Variants in PPHLN1 observed in about 807,000 individuals in gnomAD.
PPHLN1 encodes the protein periphilin-1.
A neutral mutation model predicts 51.3 loss-of-function variants in PPHLN1; 29 were observed. The ratio of observed to expected loss-of-function variants is 0.57; its 90% CI spans 0.42 to 0.77. PPHLN1 has a LOEUF of 0.77. Among genes scored for constraint, PPHLN1 ranks in the 30% least tolerant of loss-of-function variants. The pLI is 0.00. For missense variants in PPHLN1, 436 were observed against 438.4 expected (o/e 0.99, Z 0.05); for synonymous variants, 147 against 147.8 (o/e 0.99, Z 0.04).
chr12:42,420,397 T>TC (rs2080882982), intron 9 of PPHLN1, among the ~76,000 whole-genome samples: 1 of 152,076 alleles, frequency 6.6e-6, no homozygotes, highest in Non-Finnish European at 1.5e-5. Flanking sequence ...TGTGTGTGTT[T>TC]GTCTCTTTTG....
At chr12:42,329,338 T>G (rs188624354) in intron 1 of PPHLN1, among the ~76,000 whole-genome samples, 1 of 151,490 alleles carries the variant, frequency 6.6e-6, no homozygotes, top group Non-Finnish European at 1.5e-5. Context: ...ATCTCCTGAC[T>G]TCGTGATCCG....
intron 4 of PPHLN1, among the ~76,000 whole-genome samples, chr12:42,369,409 A>G (rs1485256885): frequency 6.6e-6 from 1 of 152,174 alleles, no homozygotes; most frequent in Non-Finnish European, 1.5e-5. Context: ...TGAATGACAT[A>G]CAACTATCAG....
chr12:42,417,917 C>T (rs1281409179), intron 9 of PPHLN1, among the ~76,000 whole-genome samples: 1 of 113,478 alleles, frequency 8.8e-6, no homozygotes, highest in African/African-American at 3.5e-5. Context: ...AAAAAAAGCC[C>T]TAGTTTTTTT....
intron 9 of PPHLN1, among the ~76,000 whole-genome samples, chr12:42,415,383 G>C (rs1002141966): frequency 6.6e-6 from 1 of 152,164 alleles, no homozygotes. Context: ...TCTTGGCCAG[G>C]CTGGTCTTGG....
At chr12:42,357,573 C>G (rs912835827) in intron 4 of PPHLN1, among the ~76,000 whole-genome samples, 14 of 152,116 alleles carry the variant, frequency 9.2e-5, no homozygotes, top group African/African-American at 3.1e-4. Context: ...ACATTGGAAG[C>G]TGATATATCC....
chr12:42,382,578 TGTTA>T (rs1321640575), intron 5 of PPHLN1, among the ~76,000 whole-genome samples: 3 of 152,336 alleles, frequency 2.0e-5, no homozygotes, highest in Admixed American at 6.5e-5. Flanking sequence ...GTAGCAAGCC[TGTTA>T]GTTAGAAGGC....
intron 9 of PPHLN1, among the ~76,000 whole-genome samples, chr12:42,408,430 G>T (rs1050684243): frequency 6.7e-6 from 1 of 148,878 alleles, no homozygotes; most frequent in South Asian, 2.2e-4. Context: ...AATTACTTTT[G>T]CACCAGCCCA....
intron 2 of PPHLN1, among the ~76,000 whole-genome samples, chr12:42,337,602 C>CT (rs1019733231): frequency 6.8e-6 from 1 of 148,068 alleles, no homozygotes; most frequent in Non-Finnish European, 1.5e-5. Flanking sequence ...GGCCTCTTTT[C>CT]TTTTTTTTGA....
At chr12:42,377,462 C>A (rs923027832) in intron 5 of PPHLN1, among the ~76,000 whole-genome samples, 3 of 151,920 alleles carry the variant, frequency 2.0e-5, no homozygotes, top group East Asian at 1.9e-4. Flanking sequence ...TGCACCACCA[C>A]GCCCAGGTAA....
downstream of PPHLN1, chr12:42,447,153 C>G (rs1796382): frequency 0.61 from 93,000 of 152,804 alleles, 28,484 homozygotes; most frequent in Admixed American, 0.67. Context: ...GGACAGACTC[C>G]GCATGGGACT....
intron 9 of PPHLN1, among the ~76,000 whole-genome samples, chr12:42,438,772 T>C (rs968845067): frequency 6.6e-6 from 1 of 152,092 alleles, no homozygotes. Context: ...CGGCTAATTT[T>C]TCATATTTTT....
At chr12:42,404,310 C>G (rs946763542) in intron 9 of PPHLN1, among the ~76,000 whole-genome samples, 2 of 152,124 alleles carry the variant, frequency 1.3e-5, no homozygotes, top group Admixed American at 6.5e-5. Flanking sequence ...GGGTGGATCA[C>G]TTGAGGCCAG....
At chr12:42,334,829 C>G (rs1386429386) in intron 1 of PPHLN1, among the ~76,000 whole-genome samples, 1 of 152,192 alleles carries the variant, frequency 6.6e-6, no homozygotes, top group Non-Finnish European at 1.5e-5. Flanking sequence ...TTGTCATCCA[C>G]TCCAGAAGTT....
intron 1 of PPHLN1, among the ~76,000 whole-genome samples, chr12:42,326,886 G>A (rs1291628422): frequency 6.6e-6 from 1 of 152,158 alleles, no homozygotes; most frequent in Non-Finnish European, 1.5e-5. Context: ...GGGAGCCTGC[G>A]TTCCAGCAGC....
intron 1 of PPHLN1, chr12:42,331,740 C>G (rs1187830925): frequency 6.6e-6 from 1 of 152,160 alleles, no homozygotes; most frequent in Non-Finnish European, 1.5e-5. Flanking sequence ...GAGGGTCCTT[C>G]TATTGTTCTG....
Position 42,337,524 on chromosome 12 carries a change from G to C in PPHLN1, c.72+1550G>C, listed in dbSNP as rs545474014. On this transcript the variant is annotated intron_variant, in intron 2 of 9. Coordinates refer to ENST00000358314, the MANE Select transcript of PPHLN1 (RefSeq NM_201439.2). ...TTGACCAGGCTGGTCTCGAACTCCT[G>C]ACCTCAGGTGGCCTGCCCACCTTGG... Among the ~76,000 whole-genome samples, 8 of 151,994 alleles carry C rather than the reference G, an allele frequency of 5.3e-5. No individual in the cohort carries two copies. The South Asian group carries it at 8.3e-4, about 16-fold the overall frequency.
chr12:42,359,547 C>G (rs547169831), intron 4 of PPHLN1: 1 of 152,196 alleles, frequency 6.6e-6, no homozygotes, highest in Non-Finnish European at 1.5e-5. Flanking sequence ...GTAGCTATAG[C>G]TTTTACTGCC....
chr12:42,353,395 C>T (rs1055658067), intron 3 of PPHLN1, among the ~76,000 whole-genome samples: 5 of 152,080 alleles, frequency 3.3e-5, no homozygotes, highest in African/African-American at 1.2e-4. Flanking sequence ...TCATACTTTA[C>T]GCTTGAAGAA....
At chr12:42,395,017 C>T (rs1222151972) in intron 8 of PPHLN1, among the ~76,000 whole-genome samples, 2 of 151,996 alleles carry the variant, frequency 1.3e-5, no homozygotes, top group African/African-American at 4.8e-5. Context: ...TTTATCCTCC[C>T]TTCTCCCATC....
Sources: allele counts gnomAD v4.1 joint callset (sites outside exome capture counted in the v4.1 genomes callset), GRCh38; gene constraint gnomAD v4.1.1; transcripts MANE v1.5; gene names NCBI Gene and HGNC (gene_info 2026-07-23, HGNC 2026-07-21).